Variants in MACROH2A1 observed in about 807,000 individuals in gnomAD.
MACROH2A1 encodes core histone macro-H2A.1.
MACROH2A1 carries 2 observed loss-of-function variants against 31.6 expected under a neutral mutation model. The observed-to-expected ratio is 0.06, with a 90% CI of 0.03 to 0.20. The LOEUF (loss-of-function observed/expected upper bound fraction) is 0.20. Among genes scored for constraint, MACROH2A1 ranks in the 10% least tolerant of loss-of-function variants. The pLI is 1.00. For synonymous variants in MACROH2A1, 169 were observed against 189.6 expected (o/e 0.89, Z 0.89); for missense variants, 230 against 474.0 (o/e 0.49, Z 4.78).
intron 4 of MACROH2A1, among the ~76,000 whole-genome samples, chr5:135,365,979 G>T (rs1763452841): frequency 6.6e-6 from 1 of 152,202 alleles, no homozygotes; most frequent in African/African-American, 2.4e-5. Flanking sequence ...ACCAGGTGGA[G>T]GTAACTGGAT....
intron 5 of MACROH2A1, chr5:135,358,003 T>A (rs1393194587): frequency 3.0e-6 from 3 of 985,028 alleles, no homozygotes; most frequent in Non-Finnish European, 3.6e-6. Flanking sequence ...AAAATGAGAT[T>A]CATAGGACAC....
At chr5:135,376,672 ATGTGGCCAAGT>A in intron 2 of MACROH2A1, among the ~76,000 whole-genome samples, 1 of 152,316 alleles carries the variant, frequency 6.6e-6, no homozygotes, top group East Asian at 1.9e-4. Context: ...TATCTGTAAG[ATGTGGCCAAGT>A]GCATCTAAGC....
intron 2 of MACROH2A1, among the ~76,000 whole-genome samples, chr5:135,372,140 A>G (rs1198565342): frequency 1.3e-5 from 2 of 152,222 alleles, no homozygotes; most frequent in African/African-American, 4.8e-5. Context: ...CATACTGATG[A>G]CACACAACTC....
At chr5:135,372,398 T>TA (rs1764282506) in intron 2 of MACROH2A1, among the ~76,000 whole-genome samples, 1 of 152,232 alleles carries the variant, frequency 6.6e-6, no homozygotes, top group Non-Finnish European at 1.5e-5. Flanking sequence ...TCCACAACGC[T>TA]ATTCCCTTCC....
At chr5:135,340,905 C>T (rs990976748) in intron 8 of MACROH2A1, among the ~76,000 whole-genome samples, 1 of 152,218 alleles carries the variant, frequency 6.6e-6, no homozygotes, top group South Asian at 2.1e-4. Context: ...TAGCTGTACA[C>T]ATGTGCTGCC....
chr5:135,382,863 C>T (rs1296758039), intron 2 of MACROH2A1, among the ~76,000 whole-genome samples: 3 of 152,222 alleles, frequency 2.0e-5, no homozygotes, highest in African/African-American at 7.2e-5. Flanking sequence ...TTACGCTCTC[C>T]TGAACAATTT....
At chr5:135,339,877 A>G (rs1172699492) in intron 8 of MACROH2A1, among the ~76,000 whole-genome samples, 1 of 152,198 alleles carries the variant, frequency 6.6e-6, no homozygotes, top group African/African-American at 2.4e-5. Flanking sequence ...GGCAGCCCCA[A>G]AGTGGCCTCC....
Position 135,348,150 on chromosome 5 carries a change from C to T in MACROH2A1, c.689-2093G>A, listed in dbSNP as rs546967999. Among the ~76,000 whole-genome samples the T allele has an allele frequency of 1.4e-4, 21 of 152,318 alleles. No homozygotes were observed. In the South Asian group the frequency reaches 4.1e-3, roughly 30 times the overall value. On this transcript the variant is annotated intron_variant, in intron 6 of 8. Coordinates refer to ENST00000511689, the MANE Select transcript of MACROH2A1 (RefSeq NM_138610.3). ...TTGCAGGCAATCAACCCAGTCAGGA[C>T]TTGACTCCTACACACACATATGTAT...
At chr5:135,339,849 C>T (rs2149713455) in intron 8 of MACROH2A1, among the ~76,000 whole-genome samples, 1 of 152,342 alleles carries the variant, frequency 6.6e-6, no homozygotes, top group Non-Finnish European at 1.5e-5. Context: ...GTGCCCCCTG[C>T]AGCTAGAGAG....
rs779302810 is a variant in MACROH2A1 at position 135,388,916 on chromosome 5, A to C, written c.172+6T>G. On this transcript the variant is annotated splice_donor_region_variant and intron_variant, in intron 2 of 8. Coordinates refer to ENST00000511689, the MANE Select transcript of MACROH2A1 (RefSeq NM_138610.3). ...GTGGTGTCTGGGTTGACTGAGGTAC[A>C]CTCACCTGTCAGGTATTCCAGGACG... is the stretch of plus-strand genomic sequence containing the variant. 5.0e-6 allele frequency: 8 copies of C among 1,596,120 alleles called. No individual in the cohort carries two copies. In the African/African-American group the frequency reaches 8.0e-5, roughly 16 times the overall value.
chr5:135,367,281 C>T (rs1763628440), intron 4 of MACROH2A1, among the ~76,000 whole-genome samples: 1 of 152,242 alleles, frequency 6.6e-6, no homozygotes, highest in African/African-American at 2.4e-5. Context: ...TTCAGCTTCC[C>T]CCAGGGTTTA....
At chr5:135,360,801 T>C (rs1314863686) in intron 4 of MACROH2A1, 194 bp from the exon 5 acceptor site, 2 of 696,324 alleles carry the variant, frequency 2.9e-6, no homozygotes, top group Non-Finnish European at 2.6e-6. Flanking sequence ...TGTTAAGTTA[T>C]ATGTTAATCA....
rs114248971 is a variant in MACROH2A1 at position 135,385,506 on chromosome 5, C to T, written c.172+3416G>A. On this transcript the variant is annotated intron_variant, in intron 2 of 8. Coordinates refer to ENST00000511689, the MANE Select transcript of MACROH2A1 (RefSeq NM_138610.3). Reference sequence around the variant, plus strand: ...AGTGGGTGGGACTTCCCTCAGATGTCTGCCTAGTGTTGGAGCACAATGTCG... The same window carrying T: ...AGTGGGTGGGACTTCCCTCAGATGTTTGCCTAGTGTTGGAGCACAATGTCG... Among the ~76,000 whole-genome samples the T allele has an allele frequency of 4.5e-3, 689 of 152,344 alleles. 3 individuals carry two copies. Among genetic ancestry groups the T allele is most frequent in the African/African-American group, 0.015 (636 of 41,580 alleles).
chr5:135,358,897 A>G (rs1561604307), intron 5 of MACROH2A1: 2 of 985,320 alleles, frequency 2.0e-6, no homozygotes, highest in Non-Finnish European at 2.4e-6. Context: ...GAGAGCTGAC[A>G]TGTTCCTGGC....
intron 6 of MACROH2A1, among the ~76,000 whole-genome samples, chr5:135,349,893 TAGGGA>T (rs1561587248): frequency 6.6e-6 from 1 of 152,208 alleles, no homozygotes; most frequent in Non-Finnish European, 1.5e-5. Context: ...ACTTAATAGA[TAGGGA>T]ACCTGAAGCA....
At chr5:135,358,457 A>C (rs1181172004) in intron 5 of MACROH2A1, 24 of 985,288 alleles carry the variant, frequency 2.4e-5, no homozygotes, top group Non-Finnish European at 2.5e-5. Context: ...TTAAACAGGA[A>C]GGGCAGTTTC....
In MACROH2A1 at chr5:135,334,715, TA is replaced by T. The variant is rs1432559768; in HGVS notation, c.*260del. On this transcript the variant is annotated 3_prime_UTR_variant, in exon 9 of 9. Transcript: ENST00000511689. ...TCAGGGTTTCATTAAAATAAAACTA[TA>T]AAATCTCCTAGGTTACACTAAGTCA... 2.7e-6 allele frequency: 1 copy of T among 368,572 alleles called. No individual in the cohort carries two copies. The highest frequency in any genetic ancestry group is 4.6e-5 in the East Asian group (1 of 21,896). 22.8% of individuals were successfully genotyped at this position (368,572 alleles called of 1,614,324 possible). A position where few individuals can be genotyped will look rare whatever the true frequency, so the allele number is the denominator to read the frequency against.
At position 135,336,737 on chromosome 5, in the gene MACROH2A1, C is replaced by CTGTT. The variant is rs576126870; in HGVS notation, c.954-1600_954-1597dup. 3.6e-3 allele frequency among the ~76,000 whole-genome samples: 543 copies of CTGTT among 152,336 alleles called. 4 individuals are homozygous for CTGTT. Among genetic ancestry groups the CTGTT allele is most frequent in the African/African-American group, 0.012 (514 of 41,576 alleles). On this transcript the variant is annotated intron_variant, in intron 8 of 8. Transcript: ENST00000511689. ...GCAGGTCATTCCTCTGGCACCAGTG[C>CTGTT]TGTTTGCAGATCTGAAATCTTGGCC...
At position 135,336,915 on chromosome 5, in the gene MACROH2A1, T is replaced by TCTAA. The variant is rs34407984; in HGVS notation, c.954-1778_954-1775dup. ...CATCTTTCCAGCAGCTCAGGCTGCT[T>TCTAA]CTAACTGTGGGCTGGGATCCTCGGT... On this transcript the variant is annotated intron_variant, in intron 8 of 8. Coordinates refer to ENST00000511689, the MANE Select transcript of MACROH2A1 (RefSeq NM_138610.3). Among the ~76,000 whole-genome samples, 1,041 of 152,320 alleles carry TCTAA rather than the reference T, an allele frequency of 6.8e-3. 10 individuals carry two copies. The highest frequency in any genetic ancestry group is 0.023 in the African/African-American group (970 of 41,572).
Sources: allele counts gnomAD v4.1 joint callset (sites outside exome capture counted in the v4.1 genomes callset), GRCh38; gene constraint gnomAD v4.1.1; transcripts MANE v1.5; gene names NCBI Gene and HGNC (gene_info 2026-07-23, HGNC 2026-07-21).